The following MRAP2 variants were observed in gnomAD, a reference collection of about 807,000 sequenced individuals.
MRAP2 encodes the protein melanocortin 2 receptor accessory protein 2.
MRAP2 carries 20 observed loss-of-function variants against 17.4 expected under a neutral mutation model. That is an observed-to-expected ratio of 1.15 (90% CI 0.81 to 1.67). The LOEUF is 1.67. MRAP2 is among the 40% of genes most tolerant of loss of function. The pLI, the probability that MRAP2 is intolerant of heterozygous loss-of-function variation, is 0.00. For synonymous variants in MRAP2, 96 were observed against 88.4 expected (o/e 1.09, Z -0.48); for missense variants, 238 against 240.0 (o/e 0.99, Z 0.05).
chr6:84,105,132 T>G, the MRAP2 span, among the ~76,000 whole-genome samples: 1 of 152,168 alleles, frequency 6.6e-6, no homozygotes, highest in East Asian at 1.9e-4. Flanking sequence ...TTTTCCTGTC[T>G]TCTTCTGAGT....
the MRAP2 span, chr6:84,125,064 T>C: frequency 4.4e-6 from 7 of 1,606,258 alleles, no homozygotes; most frequent in Non-Finnish European, 6.0e-6. Context: ...GAAATCTGAA[T>C]TTCTATTAAT....
the MRAP2 span, among the ~76,000 whole-genome samples, chr6:84,137,114 A>C: frequency 6.6e-6 from 1 of 152,202 alleles, no homozygotes; most frequent in Non-Finnish European, 1.5e-5. Flanking sequence ...GGCAGGTGGT[A>C]TGAGTCTTAT....
At chr6:84,124,394 TA>T in the MRAP2 span, 1 of 152,176 alleles carries the variant, frequency 6.6e-6, no homozygotes, top group African/African-American at 2.4e-5. Context: ...TATGCAACTA[TA>T]AAAAAGAATG....
At chr6:84,054,323 T>C (rs2099491169) in intron 1 of MRAP2, among the ~76,000 whole-genome samples, 1 of 152,228 alleles carries the variant, frequency 6.6e-6, no homozygotes, top group South Asian at 2.1e-4. Context: ...ACAGGCTGCA[T>C]TGACTTATCA....
At chr6:84,086,268 TTAGC>T (rs2099500420) in intron 3 of MRAP2, among the ~76,000 whole-genome samples, 1 of 152,252 alleles carries the variant, frequency 6.6e-6, no homozygotes, top group Non-Finnish European at 1.5e-5. Context: ...AGAGTTATCC[TTAGC>T]TACAAGGAAC....
At chr6:84,110,305 C>A in the MRAP2 span, among the ~76,000 whole-genome samples, 2 of 152,178 alleles carry the variant, frequency 1.3e-5, no homozygotes, top group Non-Finnish European at 1.5e-5. Flanking sequence ...GATGGTATCT[C>A]ATTGTGGTTT....
intron 3 of MRAP2, among the ~76,000 whole-genome samples, chr6:84,068,716 G>A (rs546377286): frequency 1.1e-3 from 165 of 148,798 alleles, no homozygotes; most frequent in African/African-American, 3.5e-3. Context: ...CCGCTTGGTC[G>A]CTGTTGGTGT....
intron 1 of MRAP2, 132 bp downstream of exon 1, chr6:84,034,015 A>C: frequency 3.0e-5 from 19 of 627,080 alleles, no homozygotes; most frequent in Non-Finnish European, 3.4e-5. Flanking sequence ...GGGCTAGAGA[A>C]TGGGGTGGGA....
chr6:84,073,246 G>A (rs569328902), intron 3 of MRAP2, among the ~76,000 whole-genome samples: 6 of 152,254 alleles, frequency 3.9e-5, no homozygotes, highest in African/African-American at 9.6e-5. Context: ...CCCAGCGAGC[G>A]CCCAGGGCCT....
chr6:84,106,418 A>G, the MRAP2 span, among the ~76,000 whole-genome samples: 1 of 152,174 alleles, frequency 6.6e-6, no homozygotes, highest in African/African-American at 2.4e-5. Context: ...TTAACCTGCC[A>G]CCAGGTAGCT....
At chr6:84,091,920 C>T (rs764182171), downstream of MRAP2, among the ~76,000 whole-genome samples, 36 of 152,188 alleles carry the variant, frequency 2.4e-4, no homozygotes, top group African/African-American at 8.0e-4. Context: ...CGAATTACCA[C>T]AAATTTAGTG....
At chr6:84,139,189 G>A in the MRAP2 span, among the ~76,000 whole-genome samples, 5 of 152,148 alleles carry the variant, frequency 3.3e-5, no homozygotes, top group Non-Finnish European at 7.3e-5. Context: ...GAGGGCTCTA[G>A]ATGCTTATTA....
chr6:84,093,170 AT>A (rs2099502057), downstream of MRAP2, among the ~76,000 whole-genome samples: 2 of 152,180 alleles, frequency 1.3e-5, no homozygotes, highest in Admixed American at 1.3e-4. Flanking sequence ...TGAAGTTGTT[AT>A]CAGTGCCCTG....
intron 3 of MRAP2, among the ~76,000 whole-genome samples, chr6:84,082,751 T>G (rs1407145417): frequency 6.6e-6 from 1 of 152,200 alleles, no homozygotes; most frequent in East Asian, 1.9e-4. Flanking sequence ...ATGATGAGGT[T>G]TCTCTTCAAA....
At chr6:84,110,384 T>A in the MRAP2 span, among the ~76,000 whole-genome samples, 1 of 152,228 alleles carries the variant, frequency 6.6e-6, no homozygotes, top group Non-Finnish European at 1.5e-5. Context: ...TACATAAATG[T>A]TTTCTTTTGA....
intron 1 of MRAP2, among the ~76,000 whole-genome samples, chr6:84,041,978 T>A (rs1205986300): frequency 2.0e-5 from 3 of 152,104 alleles, no homozygotes; most frequent in Admixed American, 2.0e-4. Context: ...AAGAGTGTAA[T>A]GATATGGTTA....
At chr6:84,060,852 A>ATC (rs2099492965) in intron 2 of MRAP2, among the ~76,000 whole-genome samples, 1 of 119,548 alleles carries the variant, frequency 8.4e-6, no homozygotes, top group African/African-American at 3.8e-5. Context: ...CACCCGGCTA[A>ATC]TTTTTTTTTT....
intron 1 of MRAP2, among the ~76,000 whole-genome samples, chr6:84,052,122 G>T (rs1435600107): frequency 6.6e-6 from 1 of 152,140 alleles, no homozygotes; most frequent in East Asian, 1.9e-4. Flanking sequence ...TCCTGTCAAA[G>T]AAGTTATTTT....
intron 2 of MRAP2, 156 bp from the exon 3 acceptor site, chr6:84,062,737 C>G: frequency 4.1e-6 from 4 of 985,400 alleles, no homozygotes; most frequent in African/African-American, 1.7e-5. Context: ...TCCTCCTCAT[C>G]CTTTACATCT....
Sources: allele counts gnomAD v4.1 joint callset (sites outside exome capture counted in the v4.1 genomes callset), GRCh38; gene constraint gnomAD v4.1.1; transcripts MANE v1.5; gene names NCBI Gene and HGNC (gene_info 2026-07-23, HGNC 2026-07-21).